Variants in DDX24 observed in about 807,000 individuals in gnomAD.
DDX24 encodes ATP-dependent RNA helicase DDX24.
Under a neutral mutation model 68.9 loss-of-function variants are expected in DDX24, and 24 were observed. The observed-to-expected ratio is 0.35, with a 90% CI of 0.25 to 0.49. The LOEUF is 0.49. Ranked by LOEUF, DDX24 falls within the 20% of genes least tolerant of loss-of-function variation. DDX24 has a pLI of 0.99. For synonymous variants in DDX24, 395 were observed against 385.2 expected (o/e 1.03, Z -0.30); for missense variants, 989 against 1,039.0 (o/e 0.95, Z 0.66).
intron 7 of DDX24, 73 bp from the exon 8 acceptor site, chr14:94,053,200 T>C: frequency 6.2e-7 from 1 of 1,600,118 alleles, no homozygotes; most frequent in South Asian, 1.1e-5. Context: ...CTCACTTGAG[T>C]TGTGTTTGTG....
At chr14:94,067,210 T>C (rs1008803459) in intron 2 of DDX24, among the ~76,000 whole-genome samples, 12 of 151,900 alleles carry the variant, frequency 7.9e-5, no homozygotes, top group Non-Finnish European at 1.5e-4. Context: ...GTCTCAGCAA[T>C]AGAACTGAAC....
rs1274665922 is a variant in DDX24, at chr14:94,079,133, G to A, written c.610C>T (p.Leu204Phe). The A allele has an allele frequency of 1.9e-6, 3 of 1,614,098 alleles. No homozygotes were observed. The highest frequency in any genetic ancestry group is 2.7e-5 in the African/African-American group (2 of 74,930). ...WKDLFVPRPV[L>F]RALSFLGFSA... ...AAGCCTAGAAAGCTGAGTGCTCGGAGAACCGGCCTGGGAACAAACAGGTCC... is the reference window on the plus strand; with the variant it reads ...AAGCCTAGAAAGCTGAGTGCTCGGAAAACCGGCCTGGGAACAAACAGGTCC... The change falls in exon 2 of 9, where the codon CTC becomes TTC. Residue 204 changes from leucine (L) to phenylalanine (F), a missense_variant. Coordinates refer to ENST00000621632, the MANE Select transcript of DDX24 (RefSeq NM_020414.4).
At chr14:94,078,051 T>C (rs1885981403) in intron 2 of DDX24, among the ~76,000 whole-genome samples, 1 of 151,988 alleles carries the variant, frequency 6.6e-6, no homozygotes, top group Non-Finnish European at 1.5e-5. Flanking sequence ...ACTGTATCTG[T>C]ACTAAACACT....
Position 94,062,469 on chromosome 14 carries a change from C to G in DDX24, c.871G>C (p.Ala291Pro). 1 of 1,614,132 alleles carries G rather than the reference C, an allele frequency of 6.2e-7. No individual in the cohort carries two copies. The highest frequency in any genetic ancestry group is 1.1e-5 in the South Asian group (1 of 91,068). ...GGCAATGCATCAGACTCAGCTTCAG[C>G]CTTGCCTGGTGATCTAGTCTCAGCT... ...AGAETRSPGK[A>P]EAESDALPDD... The change falls in exon 3 of 9, where the codon GCT (alanine) becomes CCT (proline). Residue 291 changes from alanine to proline, a missense_variant. Transcript: ENST00000621632.
chr14:94,053,907 TTTA>T (rs1345864368), intron 7 of DDX24, among the ~76,000 whole-genome samples: 1 of 152,244 alleles, frequency 6.6e-6, no homozygotes, highest in African/African-American at 2.4e-5. Flanking sequence ...TTGAAATGCA[TTTA>T]TTGCTTCCTG....
intron 3 of DDX24, among the ~76,000 whole-genome samples, chr14:94,061,515 A>G (rs778689364): frequency 3.3e-5 from 5 of 152,216 alleles, no homozygotes; most frequent in African/African-American, 7.2e-5. Flanking sequence ...AGAAATTCTC[A>G]TAGTATCATG....
intron 2 of DDX24, among the ~76,000 whole-genome samples, chr14:94,077,762 C>G (rs529358215): frequency 1.3e-5 from 2 of 152,202 alleles, no homozygotes; most frequent in South Asian, 2.1e-4. Flanking sequence ...AGTTTCCTGA[C>G]CACTGTTCCA....
intron 6 of DDX24, chr14:94,056,803 G>A (rs1179765360): frequency 6.6e-6 from 1 of 152,144 alleles, no homozygotes; most frequent in African/African-American, 2.4e-5. Context: ...TAAATTAGAG[G>A]ACACCCAGCT....
chr14:94,064,623 A>G (rs550212507), intron 2 of DDX24, among the ~76,000 whole-genome samples: 5 of 152,310 alleles, frequency 3.3e-5, no homozygotes, highest in African/African-American at 1.2e-4. Context: ...GTACCCAGGG[A>G]CCATGAAAAC....
At chr14:94,066,367 C>T (rs1021644875) in intron 2 of DDX24, among the ~76,000 whole-genome samples, 9 of 152,120 alleles carry the variant, frequency 5.9e-5, no homozygotes, top group African/African-American at 1.9e-4. Flanking sequence ...TCAGAGCAGG[C>T]GTAGACCTGC....
At position 94,055,042 on chromosome 14, in the gene DDX24, T is replaced by C; in HGVS notation, c.2132A>G (p.Asp711Gly). The change falls in exon 7 of 9, where the codon GAT becomes GGT. Residue 711 changes from aspartate to glycine, a missense_variant. Around this residue, in one of 3 missense-constraint regions of DDX24, gnomAD observed 691 missense variants for 760.0 expected, o/e 0.91. Transcript: ENST00000621632. ...KIYKTLKKDE[D>G]IPLFPVQTKY... is the part of the protein sequence containing the mutation. The stretch of plus-strand genomic sequence containing the variant: ...TGTCTGCACGGGGAACAGTGGGATA[T>C]CCTCATCTTTCTTGAGCGTTTTGTA... 6.2e-7 allele frequency: 1 copy of C among 1,614,242 alleles called. No homozygotes were observed. The highest frequency in any genetic ancestry group is 8.5e-7 in the Non-Finnish European group (1 of 1,180,042).
At chr14:94,080,272 G>T (rs1297315598) in intron 1 of DDX24, among the ~76,000 whole-genome samples, 1 of 152,206 alleles carries the variant, frequency 6.6e-6, no homozygotes, top group Non-Finnish European at 1.5e-5. Flanking sequence ...TTGCCTGAGA[G>T]AGCAAATGCC....
intron 2 of DDX24, among the ~76,000 whole-genome samples, chr14:94,073,540 G>A (rs1221244481): frequency 6.6e-6 from 1 of 152,000 alleles, no homozygotes; most frequent in African/African-American, 2.4e-5. Flanking sequence ...AAGCTGGACT[G>A]GCTGCATCAA....
In DDX24 at chr14:94,079,765, G is replaced by T. The variant is rs1886023502; in HGVS notation, c.-5-18C>A. 1 of 1,600,314 alleles carries T rather than the reference G, an allele frequency of 6.2e-7. No homozygotes were observed. The highest frequency in any genetic ancestry group is 2.2e-5 in the East Asian group (1 of 44,804). ...CATGGTTGCTGAAAAGGAGATACAT[G>T]TTCTATTAGGTTGGTGTCTGAGAAG... On this transcript the variant is annotated intron_variant, in intron 1 of 8. Transcript: ENST00000621632.
Position 94,079,015 on chromosome 14 carries a change from T to C in DDX24, c.718+10A>G, listed in dbSNP as rs1369029003. On this transcript the variant is annotated intron_variant, in intron 2 of 8. Transcript: ENST00000621632. ...AGAAGCAATCCTGCTTTGGCCAGAG[T>C]TGCCCTTACCTGTCTCAGCAGCCCC... The C allele has an allele frequency of 1.2e-6, 2 of 1,607,044 alleles. No individual in the cohort carries two copies. Among genetic ancestry groups the C allele is most frequent in the Admixed American group, 1.7e-5 (1 of 59,528 alleles).
rs1208096964 is a variant in DDX24 at position 94,079,286 on chromosome 14, T to C, written c.457A>G (p.Lys153Glu). The change falls in exon 2 of 9, where the codon AAA (lysine) becomes GAA (glutamate). Residue 153 changes from lysine to glutamate, a missense_variant. Around this residue, in one of 3 missense-constraint regions of DDX24, gnomAD observed 295 missense variants for 263.0 expected, o/e 1.12. Transcript: ENST00000621632. ...TTTTTCCCTTTATTTTTCTTCTTTTTTGGAGCAGTTTGGACCAGGTTTTCT... is the reference window on the plus strand; with the variant it reads ...TTTTTCCCTTTATTTTTCTTCTTTTCTGGAGCAGTTTGGACCAGGTTTTCT... Reference protein sequence around the residue: ...TSENLVQTAPKKKKNKGKKGL... With the variant: ...TSENLVQTAPEKKKNKGKKGL... The C allele has an allele frequency of 4.3e-6, 7 of 1,614,028 alleles. No individual in the cohort carries two copies. The South Asian group carries it at 4.4e-5, about 10-fold the overall frequency.
In DDX24 at chr14:94,079,764, T is replaced by A. The variant is rs769388611; in HGVS notation, c.-5-17A>T. ...TCATGGTTGCTGAAAAGGAGATACA[T>A]GTTCTATTAGGTTGGTGTCTGAGAA... On this transcript the variant is annotated splice_polypyrimidine_tract_variant and intron_variant, in intron 1 of 8. Transcript: ENST00000621632. 8.1e-6 allele frequency: 13 copies of A among 1,605,102 alleles called. No individual in the cohort carries two copies. Among genetic ancestry groups the A allele is most frequent in the Middle Eastern group, 1.7e-4 (1 of 6,056 alleles).
intron 5 of DDX24, among the ~76,000 whole-genome samples, chr14:94,058,299 A>C (rs1885527515): frequency 6.6e-6 from 1 of 152,100 alleles, no homozygotes. Context: ...CTCACCTCCA[A>C]GCCTTTGCAC....
chr14:94,051,628 A>C, intron 8 of DDX24, 166 bp from the exon 9 acceptor site: 1 of 789,480 alleles, frequency 1.3e-6, no homozygotes, highest in Non-Finnish European at 1.9e-6. Context: ...CTGTAAATGG[A>C]TAACGTCTAA....
Sources: gnomAD v4.1 joint callset for allele counts (sites outside exome capture counted in the v4.1 genomes callset) on GRCh38, gnomAD v4.1.1 for gene constraint, gnomAD v4.1.1 regional missense constraint, MANE v1.5 for transcripts, NCBI Gene and HGNC (gene_info 2026-07-23, HGNC 2026-07-21) for gene names.